The following PTPRM variants were observed in gnomAD, a reference collection of about 807,000 sequenced individuals.
PTPRM encodes receptor-type tyrosine-protein phosphatase mu.
In PTPRM, 47 loss-of-function variants were observed where a neutral mutation model predicts 186.7. The observed-to-expected ratio is 0.25, with a 90% CI of 0.20 to 0.32. PTPRM has a LOEUF of 0.32. PTPRM is among the 10% of genes least tolerant of loss of function. The probability of loss-of-function intolerance (pLI) is 1.00; values close to 1 mark genes in which losing one functional copy is unlikely to be tolerated. For missense variants in PTPRM, 1,494 were observed against 1,865.0 expected (o/e 0.80, Z 3.66); for synonymous variants, 668 against 674.9 (o/e 0.99, Z 0.16).
At chr18:7,790,304 G>T (rs1233897169) in intron 2 of PTPRM, among the ~76,000 whole-genome samples, 1 of 152,214 alleles carries the variant, frequency 6.6e-6, no homozygotes, top group Admixed American at 6.5e-5. Context: ...ACAGAAGAGA[G>T]AATCCTCTGA....
chr18:8,150,210 G>A (rs2092973861), intron 14 of PTPRM, among the ~76,000 whole-genome samples: 1 of 152,084 alleles, frequency 6.6e-6, no homozygotes, highest in Non-Finnish European at 1.5e-5. Flanking sequence ...GATTGGGGAA[G>A]TTCTCCTGGA....
chr18:7,895,603 G>T (rs1167758773), intron 3 of PTPRM, among the ~76,000 whole-genome samples: 1 of 152,132 alleles, frequency 6.6e-6, no homozygotes, highest in Non-Finnish European at 1.5e-5. Flanking sequence ...TTGTATTCAG[G>T]GACCGCTGTG....
intron 13 of PTPRM, among the ~76,000 whole-genome samples, chr18:8,131,579 G>A (rs1258421174): frequency 6.6e-6 from 1 of 152,182 alleles, no homozygotes; most frequent in Non-Finnish European, 1.5e-5. Context: ...AGCGTCCTTA[G>A]TTTAGATGAG....
intron 7 of PTPRM, among the ~76,000 whole-genome samples, chr18:8,009,432 G>A (rs1215139451): frequency 1.3e-5 from 2 of 151,844 alleles, no homozygotes; most frequent in Non-Finnish European, 2.9e-5. Context: ...CACTTTGGCC[G>A]AGCGCGGTGG....
chr18:8,360,045 C>CT (rs1463720407), intron 23 of PTPRM, among the ~76,000 whole-genome samples: 2 of 152,204 alleles, frequency 1.3e-5, no homozygotes, highest in Non-Finnish European at 2.9e-5. Flanking sequence ...TGAGTAACCA[C>CT]TGGGGCCTCT....
At chr18:7,894,592 AAT>A (rs150099621) in intron 3 of PTPRM, among the ~76,000 whole-genome samples, 29 of 150,332 alleles carry the variant, frequency 1.9e-4, no homozygotes, top group Admixed American at 3.3e-4. Context: ...TCTCAGGAAA[AAT>A]ATATATATAT....
In PTPRM at chr18:7,973,346, A is replaced by T. The variant is rs1014228930; in HGVS notation, c.1132+17932A>T. Among the ~76,000 whole-genome samples the T allele has an allele frequency of 3.9e-5, 6 of 152,318 alleles. 1 individual carries two copies. The East Asian group carries it at 1.2e-3, about 29-fold the overall frequency. On this transcript the variant is annotated intron_variant, in intron 7 of 32. Coordinates refer to ENST00000580170, the MANE Select transcript of PTPRM (RefSeq NM_001105244.2). ...ACAAGGCTCTATCAAGTTATGCTCT[A>T]CCAGCAAGGTGTCACAATGTCAGGG...
chr18:8,345,395 T>C (rs747645755), intron 23 of PTPRM, among the ~76,000 whole-genome samples: 42 of 152,234 alleles, frequency 2.8e-4, no homozygotes, highest in Non-Finnish European at 5.0e-4. Flanking sequence ...AAACCACATA[T>C]AGCCAATAGC....
chr18:7,844,877 A>G (rs535501146), intron 2 of PTPRM, among the ~76,000 whole-genome samples: 45 of 152,236 alleles, frequency 3.0e-4, no homozygotes, highest in African/African-American at 7.9e-4. Context: ...TAAAAATCCT[A>G]TGGATCTCCT....
chr18:7,939,037 G>A (rs908111031), intron 5 of PTPRM, among the ~76,000 whole-genome samples: 3 of 152,078 alleles, frequency 2.0e-5, no homozygotes, highest in African/African-American at 7.2e-5. Flanking sequence ...CTATATAAAG[G>A]TAGATTCTTC....
chr18:7,891,724 A>T (rs1232639790), intron 3 of PTPRM, among the ~76,000 whole-genome samples: 1 of 151,944 alleles, frequency 6.6e-6, no homozygotes, highest in Non-Finnish European at 1.5e-5. Flanking sequence ...AAAATACAAA[A>T]ATTAGCTGGG....
Position 7,866,193 on chromosome 18 carries a change from C to A in PTPRM, c.197-21913C>A, listed in dbSNP as rs550354475. ...TTCTTGTCTCTTGTCTTTTTCAGTTCTGCTCTGATCGTAGTTATTTCTTGA... is the reference window on the plus strand; with the variant it reads ...TTCTTGTCTCTTGTCTTTTTCAGTTATGCTCTGATCGTAGTTATTTCTTGA... On this transcript the variant is annotated intron_variant, in intron 2 of 32. Transcript: ENST00000580170. Among the ~76,000 whole-genome samples, 4 of 152,146 alleles carry A rather than the reference C, an allele frequency of 2.6e-5. No homozygotes were observed. In the South Asian group the frequency reaches 6.2e-4, roughly 24 times the overall value.
At chr18:7,574,646 T>C (rs1015668928) in intron 1 of PTPRM, among the ~76,000 whole-genome samples, 2 of 152,246 alleles carry the variant, frequency 1.3e-5, no homozygotes, top group Non-Finnish European at 2.9e-5. Context: ...AGGAGAGAAC[T>C]GGAAGTTAGT....
At chr18:8,133,619 T>C (rs1426447640) in intron 13 of PTPRM, among the ~76,000 whole-genome samples, 1 of 151,926 alleles carries the variant, frequency 6.6e-6, no homozygotes, top group Non-Finnish European at 1.5e-5. Context: ...CCTACACAAA[T>C]TGAGTAGGGA....
rs2051184967 is a variant in PTPRM, at chr18:7,926,587, G to A, written c.567G>A (p.Leu189=). The A allele has an allele frequency of 3.1e-6, 5 of 1,613,018 alleles. No homozygotes were observed. The highest frequency in any genetic ancestry group is 4.2e-6 in the Non-Finnish European group (5 of 1,179,764). ...GHPCTRTPHF[L]RIQNVEVNAG... The stretch of plus-strand genomic sequence containing the variant: ...ATGTAGCCAGGACTCCTCACTTCCT[G>A]CGGATTCAGAATGTGGAAGTTAATG... Residue 189 remains leucine, a synonymous_variant, in exon 5 of 33, where the codon CTG becomes CTA. Coordinates refer to ENST00000580170, the MANE Select transcript of PTPRM (RefSeq NM_001105244.2).
intron 2 of PTPRM, among the ~76,000 whole-genome samples, chr18:7,809,302 C>G (rs971423314): frequency 6.6e-6 from 1 of 152,148 alleles, no homozygotes; most frequent in African/African-American, 2.4e-5. Flanking sequence ...CAAATAACAG[C>G]ACCTAGCTCA....
chr18:7,819,656 T>C (rs1029964712), intron 2 of PTPRM, among the ~76,000 whole-genome samples: 6 of 152,194 alleles, frequency 3.9e-5, no homozygotes, highest in Admixed American at 6.5e-5. Context: ...CAGAAAGCCC[T>C]CTGTCCTTGC....
chr18:8,170,855 G>C (rs1413302876), intron 14 of PTPRM, among the ~76,000 whole-genome samples: 1 of 152,222 alleles, frequency 6.6e-6, no homozygotes, highest in African/African-American at 2.4e-5. Flanking sequence ...CACATTTGAA[G>C]ATGGTATAGA....
At chr18:7,625,985 C>G (rs558402474) in intron 1 of PTPRM, among the ~76,000 whole-genome samples, 20 of 152,286 alleles carry the variant, frequency 1.3e-4, no homozygotes, top group Admixed American at 9.8e-4. Flanking sequence ...GCTGAAACAG[C>G]CGTTTCAGCC....
Sources: gnomAD v4.1 joint callset for allele counts (sites outside exome capture counted in the v4.1 genomes callset) on GRCh38, gnomAD v4.1.1 for gene constraint, MANE v1.5 for transcripts, NCBI Gene and HGNC (gene_info 2026-07-23, HGNC 2026-07-21) for gene names.